The following SLC2A9 variants were observed in gnomAD, a reference collection of about 807,000 sequenced individuals.
The protein encoded by SLC2A9 is solute carrier family 2, facilitated glucose transporter member 9.
In SLC2A9, 39 loss-of-function variants were observed where a neutral mutation model predicts 50.6. That is an observed-to-expected ratio of 0.77 (90% CI 0.60 to 1.01). The LOEUF (loss-of-function observed/expected upper bound fraction) is 1.01, where lower values mean the gene tolerates loss of function less well. SLC2A9 is among the 50% of genes least tolerant of loss of function. SLC2A9 has a pLI of 0.00. For missense variants in SLC2A9, 686 were observed against 677.6 expected (o/e 1.01, Z -0.14); for synonymous variants, 324 against 276.9 (o/e 1.17, Z -1.69).
At chr4:9,922,300 A>G (rs974991643) in intron 6 of SLC2A9, among the ~76,000 whole-genome samples, 2 of 147,852 alleles carry the variant, frequency 1.4e-5, no homozygotes, top group African/African-American at 4.9e-5. Flanking sequence ...GGGGAACAAC[A>G]CACACCAGAG....
At chr4:9,901,528 G>A (rs1223638845) in intron 8 of SLC2A9, among the ~76,000 whole-genome samples, 1 of 152,120 alleles carries the variant, frequency 6.6e-6, no homozygotes, top group African/African-American at 2.4e-5. Context: ...GGGATTTAAA[G>A]CATGACCTGG....
At chr4:9,938,270 AT>A (rs35270015) in intron 6 of SLC2A9, among the ~76,000 whole-genome samples, 29,607 of 117,814 alleles carry the variant, frequency 0.25, 2,452 homozygotes, top group East Asian at 0.47. Flanking sequence ...ATCTTTTGCT[AT>A]TTTTTTTTTT....
intron 6 of SLC2A9, among the ~76,000 whole-genome samples, chr4:9,939,793 A>G (rs1747788483): frequency 6.6e-6 from 1 of 152,140 alleles, no homozygotes; most frequent in Non-Finnish European, 1.5e-5. Context: ...CAGGAATGTC[A>G]TCTCATACCA....
intron 10 of SLC2A9, among the ~76,000 whole-genome samples, chr4:9,872,117 T>C (rs1374438728): frequency 6.6e-6 from 1 of 152,170 alleles, no homozygotes; most frequent in Admixed American, 6.5e-5. Flanking sequence ...AGTGCAGCCA[T>C]GTAGTTAGAG....
At chr4:9,870,386 C>G (rs1733213643) in intron 10 of SLC2A9, among the ~76,000 whole-genome samples, 1 of 152,200 alleles carries the variant, frequency 6.6e-6, no homozygotes, top group Non-Finnish European at 1.5e-5. Flanking sequence ...TGACAGAAAC[C>G]ACGAGAAAGA....
intron 2 of SLC2A9, among the ~76,000 whole-genome samples, chr4:10,003,707 G>C (rs903792544): frequency 3.9e-5 from 6 of 152,188 alleles, no homozygotes; most frequent in Admixed American, 1.3e-4. Context: ...CATTCCCCAA[G>C]CTTGAGATTT....
intron 3 of SLC2A9, among the ~76,000 whole-genome samples, chr4:9,821,209 A>C (rs1724353685): frequency 1.3e-5 from 2 of 152,224 alleles, no homozygotes; most frequent in African/African-American, 4.8e-5. Context: ...CCCCTCAGTC[A>C]GTTAATATGG....
intron 7 of SLC2A9, among the ~76,000 whole-genome samples, chr4:9,918,549 C>T (rs1005588189): frequency 6.6e-6 from 1 of 152,230 alleles, no homozygotes; most frequent in African/African-American, 2.4e-5. Context: ...TTTACTATTC[C>T]TCACTGTTTG....
chr4:9,927,106 T>C (rs1745047441), intron 6 of SLC2A9, among the ~76,000 whole-genome samples: 1 of 151,050 alleles, frequency 6.6e-6, no homozygotes, highest in African/African-American at 2.4e-5. Flanking sequence ...CTCCACTCAC[T>C]GCAACCTCCG....
At chr4:9,897,591 G>C (rs2109860562) in intron 8 of SLC2A9, among the ~76,000 whole-genome samples, 1 of 152,234 alleles carries the variant, frequency 6.6e-6, no homozygotes, top group East Asian at 1.9e-4. Flanking sequence ...ATGGAAAAGG[G>C]AAAGTGTGGA....
chr4:10,036,189 C>G (rs1764100682), intron 1 of SLC2A9: 2 of 153,030 alleles, frequency 1.3e-5, no homozygotes. Flanking sequence ...CCTGGAGAAC[C>G]CTGAGTAAAC....
intron 11 of SLC2A9, among the ~76,000 whole-genome samples, chr4:9,828,448 A>G (rs184876776): frequency 3.3e-5 from 5 of 152,284 alleles, no homozygotes; most frequent in African/African-American, 9.6e-5. Flanking sequence ...AAAACCCACC[A>G]TGACTTCCTA....
At chr4:9,961,051 T>C (rs1371093633) in intron 5 of SLC2A9, among the ~76,000 whole-genome samples, 1 of 152,186 alleles carries the variant, frequency 6.6e-6, no homozygotes, top group African/African-American at 2.4e-5. Flanking sequence ...TTGTCCTCAT[T>C]TTACAGAATC....
intron 5 of SLC2A9, among the ~76,000 whole-genome samples, chr4:9,972,845 G>A (rs912182225): frequency 6.6e-6 from 1 of 152,114 alleles, no homozygotes; most frequent in Non-Finnish European, 1.5e-5. Context: ...CAAAAAGTTA[G>A]AAAGATCTCA....
chr4:9,775,785 A>G (rs2108826019), downstream of SLC2A9, among the ~76,000 whole-genome samples: 1 of 152,296 alleles, frequency 6.6e-6, no homozygotes, highest in Middle Eastern at 3.4e-3. Context: ...AGACAATTCA[A>G]ACTCTTTTCT....
chr4:9,987,174 G>T (rs1222765938), intron 3 of SLC2A9, among the ~76,000 whole-genome samples: 2 of 152,074 alleles, frequency 1.3e-5, no homozygotes, highest in Non-Finnish European at 2.9e-5. Flanking sequence ...GGCTGGAGTG[G>T]ATTGGCACAA....
At position 9,912,139 on chromosome 4, in the gene SLC2A9, C is replaced by G. The variant is rs551243193; in HGVS notation, c.1003-3794G>C. 1.9e-4 allele frequency among the ~76,000 whole-genome samples: 29 copies of G among 152,076 alleles called. No individual in the cohort carries two copies. The South Asian group carries it at 5.8e-3, about 31-fold the overall frequency. ...GGAATATCACACACCAGTGACTGTT[C>G]TGGGGTGGGGGGAGCGGGGAGGGAG... On this transcript the variant is annotated intron_variant, in intron 7 of 11. Coordinates refer to ENST00000264784, the MANE Select transcript of SLC2A9 (RefSeq NM_020041.3).
intron 1 of SLC2A9, among the ~76,000 whole-genome samples, chr4:10,030,426 A>G (rs1368805726): frequency 1.3e-5 from 2 of 152,240 alleles, no homozygotes; most frequent in Non-Finnish European, 2.9e-5. Flanking sequence ...AAACCCACAG[A>G]ATGTACAATA....
At chr4:9,918,618 A>G (rs1743337244) in intron 7 of SLC2A9, among the ~76,000 whole-genome samples, 1 of 152,224 alleles carries the variant, frequency 6.6e-6, no homozygotes, top group South Asian at 2.1e-4. Context: ...CTCACAGGGC[A>G]GCCATGGGGA....
Sources: gnomAD v4.1 joint callset for allele counts (sites outside exome capture counted in the v4.1 genomes callset) on GRCh38, gnomAD v4.1.1 for gene constraint, MANE v1.5 for transcripts, NCBI Gene and HGNC (gene_info 2026-07-23, HGNC 2026-07-21) for gene names.